Variants in PLA2G4A observed in about 807,000 individuals in gnomAD.
The protein encoded by PLA2G4A is phospholipase A2 group IVA, also known as cytosolic phospholipase A2.
PLA2G4A carries 40 observed loss-of-function variants against 81.9 expected under a neutral mutation model. The observed-to-expected ratio is 0.49, with a 90% CI of 0.38 to 0.64. PLA2G4A has a LOEUF of 0.64. Among genes scored for constraint, PLA2G4A ranks in the 30% least tolerant of loss-of-function variants. The pLI, the probability that PLA2G4A is intolerant of heterozygous loss-of-function variation, is 0.00. For missense variants in PLA2G4A, 715 were observed against 905.1 expected (o/e 0.79, Z 2.69); for synonymous variants, 302 against 296.9 (o/e 1.02, Z -0.18).
chr1:186,855,004 A>G (rs1045042074), intron 2 of PLA2G4A, among the ~76,000 whole-genome samples: 3 of 152,004 alleles, frequency 2.0e-5, no homozygotes, highest in Admixed American at 6.6e-5. Flanking sequence ...GGTTTTATGG[A>G]TATTTAAGGA....
chr1:186,870,684 T>A lies in PLA2G4A; in HGVS notation c.115+168T>A, dbSNP rs572262019. The A allele has an allele frequency of 1.1e-3, 1,612 of 1,462,334 alleles. 4 individuals are homozygous for A. Among genetic ancestry groups the A allele is most frequent in the African/African-American group, 3.3e-3 (228 of 69,582 alleles). The allele number at this position is 1,462,334 out of a possible 1,614,324, so 90.6% of individuals were successfully genotyped here. Reference sequence around the variant, plus strand: ...CAGTTCTCTGATGCTATCTGTCAGATTAGCATTTTACCTGGGCCTTAAATT... The same window carrying A: ...CAGTTCTCTGATGCTATCTGTCAGAATAGCATTTTACCTGGGCCTTAAATT... On this transcript the variant is annotated intron_variant, in intron 3 of 17. Coordinates refer to ENST00000367466, the MANE Select transcript of PLA2G4A (RefSeq NM_024420.3).
intron 17 of PLA2G4A, among the ~76,000 whole-genome samples, chr1:186,980,161 C>T (rs1468005524): frequency 1.3e-5 from 2 of 151,866 alleles, no homozygotes; most frequent in East Asian, 3.9e-4. Flanking sequence ...TGTTAGTCTC[C>T]ATCTCCTGAC....
rs562757928 is a variant in PLA2G4A at position 186,982,775 on chromosome 1, C to G, written c.2118+3303C>G. On this transcript the variant is annotated intron_variant, in intron 17 of 17. Transcript: ENST00000367466. ...GCCTTAGTGACTCCCTTCTTCTCCA[C>G]TTTAAGAAAACACATTTTTGGGGCC... Among the ~76,000 whole-genome samples the G allele has an allele frequency of 3.3e-5, 5 of 152,220 alleles. No individual in the cohort carries two copies. The East Asian group carries it at 9.7e-4, about 29-fold the overall frequency.
chr1:186,917,639 G>T (rs1237267733), intron 7 of PLA2G4A, among the ~76,000 whole-genome samples: 1 of 152,148 alleles, frequency 6.6e-6, no homozygotes, highest in Non-Finnish European at 1.5e-5. Flanking sequence ...ATTCATAAGG[G>T]CAGTCCAAAC....
chr1:186,976,006 A>G (rs1405968110), intron 15 of PLA2G4A, among the ~76,000 whole-genome samples: 1 of 152,202 alleles, frequency 6.6e-6, no homozygotes, highest in Non-Finnish European at 1.5e-5. Flanking sequence ...CTCACTGATA[A>G]TTGTTGGCTG....
At position 186,892,994 on chromosome 1, in the gene PLA2G4A, G is replaced by T. The variant is rs1388149737; in HGVS notation, c.116-17G>T. On this transcript the variant is annotated splice_polypyrimidine_tract_variant and intron_variant, in intron 3 of 17. Coordinates refer to ENST00000367466, the MANE Select transcript of PLA2G4A (RefSeq NM_024420.3). ...TCACATTTCTACCTCCTTCTTGTTTGTGTTTACTATCTGTAGTTGATACTC... is the reference window on the plus strand; with the variant it reads ...TCACATTTCTACCTCCTTCTTGTTTTTGTTTACTATCTGTAGTTGATACTC... 1.9e-6 allele frequency: 3 copies of T among 1,590,418 alleles called. No homozygotes were observed. The East Asian group carries it at 6.7e-5, about 36-fold the overall frequency.
intron 1 of PLA2G4A, among the ~76,000 whole-genome samples, chr1:186,851,486 A>G (rs1259959524): frequency 6.6e-6 from 1 of 152,052 alleles, no homozygotes; most frequent in African/African-American, 2.4e-5. Flanking sequence ...CCACAGCTCT[A>G]GAGTATTAGC....
intron 8 of PLA2G4A, among the ~76,000 whole-genome samples, chr1:186,938,738 A>G (rs977284155): frequency 6.6e-6 from 1 of 152,146 alleles, no homozygotes; most frequent in African/African-American, 2.4e-5. Flanking sequence ...CAGACAATGG[A>G]CACTAGTCCT....
intron 15 of PLA2G4A, among the ~76,000 whole-genome samples, chr1:186,971,087 C>G (rs1657340774): frequency 6.6e-6 from 1 of 151,682 alleles, no homozygotes. Flanking sequence ...ATATATTTAA[C>G]TCATTAATCT....
At chr1:186,934,945 T>C (rs1268669503) in intron 8 of PLA2G4A, among the ~76,000 whole-genome samples, 1 of 151,984 alleles carries the variant, frequency 6.6e-6, no homozygotes, top group South Asian at 2.1e-4. Context: ...ATGTCCTCCG[T>C]AGGTAATTCC....
rs2102312752 is a variant in PLA2G4A at position 186,988,797 on chromosome 1, A to ATGTG, written c.*293_*296dup. ...TTAAACATTTCTCACCAACTTTCTT[A>ATGTG]TGTGTGTTCTTTTTAAAAATTTTTT... On this transcript the variant is annotated 3_prime_UTR_variant, in exon 18 of 18. Transcript: ENST00000367466. 1 of 236,760 alleles carries ATGTG rather than the reference A, an allele frequency of 4.2e-6. No homozygotes were observed. The highest frequency in any genetic ancestry group is 6.3e-5 in the South Asian group (1 of 15,804). The allele number at this position is 236,760 out of a possible 1,614,324, so 14.7% of individuals were successfully genotyped here.
At chr1:186,907,972 T>A (rs1654801447) in intron 6 of PLA2G4A, among the ~76,000 whole-genome samples, 1 of 152,214 alleles carries the variant, frequency 6.6e-6, no homozygotes, top group Non-Finnish European at 1.5e-5. Context: ...ACTATGGAAG[T>A]AATGCTTTTG....
chr1:186,841,836 A>G lies in PLA2G4A; in HGVS notation c.-69-12450A>G, dbSNP rs778610008. Among the ~76,000 whole-genome samples the G allele has an allele frequency of 2.0e-5, 3 of 152,164 alleles. No individual in the cohort carries two copies. In the East Asian group the frequency reaches 5.8e-4, roughly 29 times the overall value. Reference sequence around the variant, plus strand: ...CAGTTTCCTGATCCTTAAGATGGACAGGTTTATCTGGATTAGTACTTCCCA... The same window carrying G: ...CAGTTTCCTGATCCTTAAGATGGACGGGTTTATCTGGATTAGTACTTCCCA... On this transcript the variant is annotated intron_variant, in intron 1 of 17. Coordinates refer to ENST00000367466, the MANE Select transcript of PLA2G4A (RefSeq NM_024420.3).
At chr1:186,878,547 T>C (rs1464094458) in intron 3 of PLA2G4A, among the ~76,000 whole-genome samples, 1 of 151,696 alleles carries the variant, frequency 6.6e-6, no homozygotes, top group African/African-American at 2.4e-5. Flanking sequence ...GTAAAGTGTT[T>C]CATAACGCAT....
intron 7 of PLA2G4A, among the ~76,000 whole-genome samples, chr1:186,920,476 C>T (rs1268501015): frequency 6.6e-6 from 1 of 152,190 alleles, no homozygotes; most frequent in Non-Finnish European, 1.5e-5. Context: ...GTCCTTGCCC[C>T]CAGTTGTAAT....
chr1:186,962,286 A>G (rs1656972387), intron 14 of PLA2G4A, among the ~76,000 whole-genome samples: 1 of 152,114 alleles, frequency 6.6e-6, no homozygotes, highest in Non-Finnish European at 1.5e-5. Flanking sequence ...TAGTATATGT[A>G]GAGATTTGTA....
chr1:186,975,858 G>A (rs1343134408), intron 15 of PLA2G4A, among the ~76,000 whole-genome samples: 5 of 152,108 alleles, frequency 3.3e-5, no homozygotes, highest in Non-Finnish European at 7.4e-5. Flanking sequence ...GGCCTTTCAC[G>A]CTGCACAACC....
At chr1:186,876,277 A>G (rs1653493807) in intron 3 of PLA2G4A, among the ~76,000 whole-genome samples, 1 of 152,160 alleles carries the variant, frequency 6.6e-6, no homozygotes, top group African/African-American at 2.4e-5. Context: ...GCAAATGTTC[A>G]GTTCTTTTTA....
chr1:186,899,718 GC>G (rs1204786703), intron 5 of PLA2G4A, among the ~76,000 whole-genome samples: 2 of 152,152 alleles, frequency 1.3e-5, no homozygotes, highest in Non-Finnish European at 2.9e-5. Context: ...GGAACTTCTG[GC>G]TTTTTCCTCA....
Sources: allele counts gnomAD v4.1 joint callset (sites outside exome capture counted in the v4.1 genomes callset), GRCh38; gene constraint gnomAD v4.1.1; transcripts MANE v1.5; gene names NCBI Gene and HGNC (gene_info 2026-07-23, HGNC 2026-07-21).